The following CDK14 variants were observed in gnomAD, a reference collection of about 807,000 sequenced individuals.
CDK14 encodes the protein cyclin-dependent kinase 14.
In CDK14, 34 loss-of-function variants were observed where a neutral mutation model predicts 60.7. The observed-to-expected ratio is 0.56, with a 90% confidence interval of 0.43 to 0.75. The LOEUF (loss-of-function observed/expected upper bound fraction) is 0.75. Among genes scored for constraint, CDK14 ranks in the 30% least tolerant of loss-of-function variants. The probability of loss-of-function intolerance (pLI) is 0.00; values close to 1 mark genes in which losing one functional copy is unlikely to be tolerated. For synonymous variants in CDK14, 197 were observed against 203.7 expected, an observed-to-expected ratio of 0.97 and a Z score of 0.28; for missense variants, 482 against 564.1, an observed-to-expected ratio of 0.85 and a Z score of 1.47.
rs376238161 is a variant in CDK14, at chr7:90,754,236, A to G, written c.464+6461A>G. On this transcript the variant is annotated intron_variant, in intron 4 of 14. Coordinates refer to ENST00000380050, the MANE Select transcript of CDK14 (RefSeq NM_001287135.2). ...ACTACCTGAATTCAAACTATATTAT[A>G]AGGCTACAGTAACTGAAACAGCATG... Among the ~76,000 whole-genome samples the G allele has an allele frequency of 4.6e-5, 7 of 152,336 alleles. No homozygotes were observed. In the East Asian group the frequency reaches 1.2e-3, roughly 25 times the overall value.
At chr7:91,197,038 TTG>T (rs912351609) in intron 14 of CDK14, among the ~76,000 whole-genome samples, 2 of 152,202 alleles carry the variant, frequency 1.3e-5, no homozygotes, top group African/African-American at 4.8e-5. Flanking sequence ...ATTAATCCTG[TTG>T]TTCCTTTGGT....
At chr7:90,878,679 A>G (rs1457469984) in intron 6 of CDK14, among the ~76,000 whole-genome samples, 1 of 152,236 alleles carries the variant, frequency 6.6e-6, no homozygotes, top group Non-Finnish European at 1.5e-5. Flanking sequence ...GTATCCAAGT[A>G]TATGACACAT....
intron 14 of CDK14, among the ~76,000 whole-genome samples, chr7:91,170,769 C>CT (rs1327491575): frequency 0.048 from 5,956 of 123,888 alleles, 459 homozygotes; most frequent in African/African-American, 0.15. Context: ...TTTTTTTTTT[C>CT]TTTTTTTTTT....
intron 8 of CDK14, among the ~76,000 whole-genome samples, chr7:90,944,431 G>A (rs1443342838): frequency 6.6e-6 from 1 of 152,194 alleles, no homozygotes; most frequent in African/African-American, 2.4e-5. Flanking sequence ...GAGATACAAA[G>A]GCAGGTGAAA....
intron 4 of CDK14, among the ~76,000 whole-genome samples, chr7:90,779,934 TCCATGGGTTACC>T (rs1159757314): frequency 6.6e-6 from 1 of 152,232 alleles, no homozygotes; most frequent in Non-Finnish European, 1.5e-5. Flanking sequence ...AATCTTTTAG[TCCATGGGTTACC>T]CCTACCATGC....
chr7:91,030,803 T>G (rs1051955596), intron 10 of CDK14, among the ~76,000 whole-genome samples: 3 of 152,200 alleles, frequency 2.0e-5, no homozygotes, highest in African/African-American at 7.2e-5. Flanking sequence ...CCCTTTCAGT[T>G]CTTGGCCTCA....
chr7:90,655,744 G>A (rs1800739014), intron 2 of CDK14, among the ~76,000 whole-genome samples: 1 of 152,136 alleles, frequency 6.6e-6, no homozygotes, highest in Non-Finnish European at 1.5e-5. Flanking sequence ...TTTTGAGTAA[G>A]CAAAGAGCCA....
chr7:90,787,532 G>A (rs1378701095), intron 4 of CDK14, among the ~76,000 whole-genome samples: 1 of 152,084 alleles, frequency 6.6e-6, no homozygotes, highest in African/African-American at 2.4e-5. Flanking sequence ...GACTTATTTT[G>A]CAGGTATGAT....
chr7:91,006,406 C>G (rs1044096500), intron 10 of CDK14, among the ~76,000 whole-genome samples: 2 of 152,160 alleles, frequency 1.3e-5, no homozygotes, highest in Non-Finnish European at 2.9e-5. Flanking sequence ...TGCTCATTTT[C>G]TTTTTTCAGA....
At chr7:90,924,997 T>A (rs539817829) in intron 8 of CDK14, among the ~76,000 whole-genome samples, 1 of 152,294 alleles carries the variant, frequency 6.6e-6, no homozygotes, top group East Asian at 1.9e-4. Context: ...AATTAAGAAC[T>A]AATGGTCTGT....
At chr7:90,734,500 A>C (rs1424615735) in intron 3 of CDK14, among the ~76,000 whole-genome samples, 1 of 151,682 alleles carries the variant, frequency 6.6e-6, no homozygotes, top group African/African-American at 2.4e-5. Flanking sequence ...TGGAGGCTTT[A>C]TTTGCTTCTT....
At chr7:91,140,009 C>T (rs904243842) in intron 14 of CDK14, among the ~76,000 whole-genome samples, 1 of 152,090 alleles carries the variant, frequency 6.6e-6, no homozygotes, top group Admixed American at 6.6e-5. Flanking sequence ...GAACTTTAAA[C>T]AGCCTTACAA....
intron 10 of CDK14, among the ~76,000 whole-genome samples, chr7:91,029,132 T>G (rs1796683893): frequency 6.6e-6 from 1 of 152,182 alleles, no homozygotes; most frequent in South Asian, 2.1e-4. Flanking sequence ...TTGAATTGAC[T>G]TTTGTATATG....
intron 10 of CDK14, among the ~76,000 whole-genome samples, chr7:91,033,783 T>C (rs1796833378): frequency 6.6e-6 from 1 of 152,206 alleles, no homozygotes; most frequent in South Asian, 2.1e-4. Context: ...CACGTACATT[T>C]CCACTGCTGT....
At chr7:91,170,359 AT>A (rs1271769714) in intron 14 of CDK14, among the ~76,000 whole-genome samples, 1 of 152,158 alleles carries the variant, frequency 6.6e-6, no homozygotes, top group Non-Finnish European at 1.5e-5. Flanking sequence ...TAACTATTTT[AT>A]TGTTTCAGTA....
intron 12 of CDK14, among the ~76,000 whole-genome samples, chr7:91,102,216 A>T (rs1440054063): frequency 6.6e-6 from 1 of 152,146 alleles, no homozygotes; most frequent in African/African-American, 2.4e-5. Flanking sequence ...TGCATAAAGT[A>T]TGAGTATAGA....
intron 9 of CDK14, among the ~76,000 whole-genome samples, chr7:90,977,722 T>C (rs922472467): frequency 6.6e-6 from 1 of 152,284 alleles, no homozygotes; most frequent in Non-Finnish European, 1.5e-5. Context: ...TTCCATGCTG[T>C]ACTCTTTGGA....
At chr7:90,985,880 C>T (rs757118583) in intron 10 of CDK14, among the ~76,000 whole-genome samples, 29 of 151,902 alleles carry the variant, frequency 1.9e-4, no homozygotes, top group Non-Finnish European at 3.4e-4. Context: ...TTATTTTATT[C>T]AATATGTATA....
intron 5 of CDK14, among the ~76,000 whole-genome samples, chr7:90,825,387 A>T (rs916349624): frequency 1.3e-5 from 2 of 152,336 alleles, no homozygotes; most frequent in Non-Finnish European, 2.9e-5. Context: ...GTTATGTATA[A>T]AGGAGAGTTA....
Sources: allele counts gnomAD v4.1 joint callset (sites outside exome capture counted in the v4.1 genomes callset), GRCh38; gene constraint gnomAD v4.1.1; transcripts MANE v1.5; gene names NCBI Gene and HGNC (gene_info 2026-07-23, HGNC 2026-07-21).